Variants in EPHA5 observed in about 807,000 individuals in gnomAD.
EPHA5 encodes the protein ephrin type-A receptor 5.
A neutral mutation model predicts 105.0 loss-of-function variants in EPHA5; 60 were observed. That is an observed-to-expected ratio of 0.57 (90% CI 0.46 to 0.71). The LOEUF is 0.71. Among genes scored for constraint, EPHA5 ranks in the 30% least tolerant of loss-of-function variants. The pLI, the probability that EPHA5 is intolerant of heterozygous loss-of-function variation, is 0.00. For synonymous variants in EPHA5, 513 were observed against 449.1 expected (o/e 1.14, Z -1.80); for missense variants, 1,218 against 1,274.7 (o/e 0.96, Z 0.68).
chr4:65,598,810 CTG>C (rs966377464), intron 3 of EPHA5, among the ~76,000 whole-genome samples: 1 of 151,862 alleles, frequency 6.6e-6, no homozygotes, highest in African/African-American at 2.4e-5. Context: ...AATTGAGAAA[CTG>C]AAAAAAGTTA....
chr4:65,478,170 C>A lies in EPHA5; in HGVS notation c.1402+12207G>T, dbSNP rs554263667. Among the ~76,000 whole-genome samples, 116 of 152,220 alleles carry A rather than the reference C, an allele frequency of 7.6e-4. 1 individual carries two copies. The highest frequency in any genetic ancestry group is 6.4e-3 in the Admixed American group (98 of 15,286). On this transcript the variant is annotated intron_variant, in intron 5 of 16. Transcript: ENST00000613740. ...TCAATATTTCAATATAGACGGGCAGCTTTAATTGGCAAAATGAAAAGATTT... is the reference window on the plus strand; with the variant it reads ...TCAATATTTCAATATAGACGGGCAGATTTAATTGGCAAAATGAAAAGATTT...
chr4:65,365,895 C>G (rs770469202), intron 10 of EPHA5, 37 bp downstream of exon 10: 58 of 1,585,768 alleles, frequency 3.7e-5, no homozygotes, highest in Non-Finnish European at 4.8e-5. Context: ...GGAATGCAAA[C>G]AAAAGTTAAA....
At chr4:65,628,976 A>G (rs1746393726) in intron 2 of EPHA5, among the ~76,000 whole-genome samples, 1 of 152,202 alleles carries the variant, frequency 6.6e-6, no homozygotes, top group Non-Finnish European at 1.5e-5. Flanking sequence ...TTCATAAAGT[A>G]TATGCACACC....
chr4:65,408,564 A>G (rs1411534892), intron 7 of EPHA5, among the ~76,000 whole-genome samples: 1 of 52,614 alleles, frequency 1.9e-5, no homozygotes, highest in Non-Finnish European at 5.0e-5. Context: ...GAAGACTTTT[A>G]TGCAGCCAAA....
Position 65,602,263 on chromosome 4 carries a change from G to T in EPHA5, c.288C>A (p.Ile96=). Residue 96 remains isoleucine, a synonymous_variant, in exon 3 of 17, where the codon ATC becomes ATA. Coordinates refer to ENST00000613740, the MANE Select transcript of EPHA5 (RefSeq NM_001281766.3). The stretch of plus-strand genomic sequence containing the variant: ...TCACTTTGCATACTTGGTATGTGTG[G>T]ATAGGGGCATAATTTTCATCCACTT... ...IGEVDENYAP[I]HTYQVCKVME... 1 of 1,607,992 alleles carries T rather than the reference G, an allele frequency of 6.2e-7. No homozygotes were observed. The highest frequency in any genetic ancestry group is 8.5e-7 in the Non-Finnish European group (1 of 1,178,512).
intron 8 of EPHA5, among the ~76,000 whole-genome samples, chr4:65,394,641 T>C (rs1444823390): frequency 6.6e-6 from 1 of 152,058 alleles, no homozygotes; most frequent in Non-Finnish European, 1.5e-5. Flanking sequence ...CAAGGAAGTT[T>C]TAGACAGTAA....
chr4:65,588,988 A>G (rs1742380652), intron 3 of EPHA5, among the ~76,000 whole-genome samples: 1 of 152,188 alleles, frequency 6.6e-6, no homozygotes, highest in African/African-American at 2.4e-5. Context: ...TTTAAATCTA[A>G]CTAGCATGTA....
intron 2 of EPHA5, among the ~76,000 whole-genome samples, chr4:65,637,902 A>G (rs1747293086): frequency 6.6e-6 from 1 of 152,122 alleles, no homozygotes; most frequent in South Asian, 2.1e-4. Flanking sequence ...AGTAAGTCTG[A>G]GTTTACAATG....
chr4:65,534,074 T>C (rs1254319052), intron 3 of EPHA5, among the ~76,000 whole-genome samples: 1 of 152,182 alleles, frequency 6.6e-6, no homozygotes, highest in Non-Finnish European at 1.5e-5. Context: ...AAAACTAAGA[T>C]AATTAGCACA....
chr4:65,624,764 A>G (rs781573131), intron 2 of EPHA5, among the ~76,000 whole-genome samples: 4 of 152,174 alleles, frequency 2.6e-5, no homozygotes, highest in Non-Finnish European at 5.9e-5. Context: ...TTGACCCAGG[A>G]ACCAAACTGT....
chr4:65,471,830 A>C (rs918440122), intron 5 of EPHA5, among the ~76,000 whole-genome samples: 1 of 152,188 alleles, frequency 6.6e-6, no homozygotes, highest in African/African-American at 2.4e-5. Context: ...TTATAATTGA[A>C]GATGAGATTT....
intron 1 of EPHA5, among the ~76,000 whole-genome samples, chr4:65,660,116 T>C (rs1196222412): frequency 6.6e-6 from 1 of 152,128 alleles, no homozygotes; most frequent in Non-Finnish European, 1.5e-5. Flanking sequence ...ACTATTATTA[T>C]AGGACTAAAT....
intron 5 of EPHA5, among the ~76,000 whole-genome samples, chr4:65,420,786 A>G (rs1181603311): frequency 6.6e-6 from 1 of 152,134 alleles, no homozygotes; most frequent in Non-Finnish European, 1.5e-5. Context: ...AACTATTTGT[A>G]TTCTATATTG....
At chr4:65,663,407 T>G (rs1303116637) in intron 1 of EPHA5, among the ~76,000 whole-genome samples, 1 of 152,066 alleles carries the variant, frequency 6.6e-6, no homozygotes, top group Non-Finnish European at 1.5e-5. Flanking sequence ...CTTTTATGAC[T>G]TTGTAACATC....
intron 3 of EPHA5, among the ~76,000 whole-genome samples, chr4:65,594,160 A>C (rs1279091873): frequency 2.0e-5 from 3 of 152,200 alleles, no homozygotes; most frequent in Non-Finnish European, 4.4e-5. Context: ...TGAATTTTAA[A>C]TATATAAAGC....
intron 11 of EPHA5, among the ~76,000 whole-genome samples, chr4:65,361,375 A>G (rs568761663): frequency 4.2e-4 from 63 of 151,750 alleles, no homozygotes; most frequent in African/African-American, 1.5e-3. Context: ...TCCAGAAAGA[A>G]AATAGTGAAA....
At position 65,327,485 on chromosome 4, in the gene EPHA5, C is replaced by T. The variant is rs145735104; in HGVS notation, c.2946-3266G>A. ...GAAACAAAACACTGAATTTTAAGTA[C>T]TGCCACAAATGATGTTTTCTCCCAT... On this transcript the variant is annotated intron_variant, in intron 16 of 16. Coordinates refer to ENST00000613740, the MANE Select transcript of EPHA5 (RefSeq NM_001281766.3). Among the ~76,000 whole-genome samples, 50 of 151,308 alleles carry T rather than the reference C, an allele frequency of 3.3e-4. No individual in the cohort carries two copies. In the East Asian group the frequency reaches 9.6e-3, roughly 29 times the overall value.
intron 3 of EPHA5, among the ~76,000 whole-genome samples, chr4:65,554,981 CAAAAAAAAAAAAAA>C (rs71205383): frequency 0.046 from 4,225 of 92,592 alleles, 135 homozygotes; most frequent in South Asian, 0.1. Context: ...TATACAACAG[CAAAAAAAAAAAAAA>C]AAAAAAAAAA....
In EPHA5 at chr4:65,444,826, T is replaced by C. The variant is rs539930516; in HGVS notation, c.1403-24261A>G. ...TTGCTTGGTTGCTTTTAGAAGTAAT[T>C]GTATTTTTCCCCTCAAAAACTTAAA... On this transcript the variant is annotated intron_variant, in intron 5 of 16. Transcript: ENST00000613740. Among the ~76,000 whole-genome samples the C allele has an allele frequency of 2.0e-5, 3 of 152,190 alleles. No homozygotes were observed. The South Asian group carries it at 6.2e-4, about 32-fold the overall frequency.
Sources: gnomAD v4.1 joint callset for allele counts (sites outside exome capture counted in the v4.1 genomes callset) on GRCh38, gnomAD v4.1.1 for gene constraint, MANE v1.5 for transcripts, NCBI Gene and HGNC (gene_info 2026-07-23, HGNC 2026-07-21) for gene names.